The following TNR variants were observed in gnomAD, a reference collection of about 807,000 sequenced individuals.
TNR encodes tenascin-R.
TNR carries 45 observed loss-of-function variants against 150.4 expected under a neutral mutation model. The ratio of observed to expected loss-of-function variants is 0.30; its 90% confidence interval spans 0.24 to 0.38. TNR has a LOEUF of 0.38. Ranked by LOEUF, TNR falls within the 10% of genes least tolerant of loss-of-function variation. The probability of loss-of-function intolerance (pLI) is 1.00; values close to 1 mark genes in which losing one functional copy is unlikely to be tolerated. For missense variants in TNR, 1,544 were observed against 1,759.1 expected, an observed-to-expected ratio of 0.88 and a Z score of 2.19; for synonymous variants, 687 against 678.4, an observed-to-expected ratio of 1.01 and a Z score of -0.20.
intron 2 of TNR, among the ~76,000 whole-genome samples, chr1:175,430,844 T>G (rs551870485): frequency 6.6e-6 from 1 of 152,180 alleles, no homozygotes; most frequent in Non-Finnish European, 1.5e-5. Flanking sequence ...CATCATTACT[T>G]AAAGGAAAAT....
intron 2 of TNR, among the ~76,000 whole-genome samples, chr1:175,511,623 G>T (rs1164698931): frequency 6.6e-6 from 1 of 152,204 alleles, no homozygotes; most frequent in African/African-American, 2.4e-5. Context: ...GCAGTGAGAG[G>T]CAGGGGTCTG....
chr1:175,436,959 T>C lies in TNR; in HGVS notation c.-63-30182A>G, dbSNP rs578239220. ...AGACTTTAACACCCCATTGTCAACA[T>C]TAGACAGATCAACGAGAAAGTTAAC... On this transcript the variant is annotated intron_variant, in intron 2 of 22. Transcript: ENST00000367674. Among the ~76,000 whole-genome samples the C allele has an allele frequency of 3.3e-5, 5 of 152,248 alleles. No homozygotes were observed. The East Asian group carries it at 9.6e-4, about 29-fold the overall frequency.
chr1:175,651,002 T>C (rs924261721), intron 1 of TNR, among the ~76,000 whole-genome samples: 2 of 51,176 alleles, frequency 3.9e-5, no homozygotes, highest in Non-Finnish European at 3.4e-5. Context: ...TTACTACCCC[T>C]CCCCACCTCA....
At chr1:175,547,637 GAGAAAGAAAGAAAGGAAGAAGAA>G (rs1331922699) in intron 1 of TNR, among the ~76,000 whole-genome samples, 2 of 131,368 alleles carry the variant, frequency 1.5e-5, no homozygotes, top group Non-Finnish European at 3.2e-5. Context: ...AAGAAAGAAA[GAGAAAGAAAGAAAGGAAGAAGAA>G]AGAAAGAAAG....
intron 2 of TNR, among the ~76,000 whole-genome samples, chr1:175,447,939 G>A (rs985820423): frequency 6.6e-6 from 1 of 152,182 alleles, no homozygotes; most frequent in Non-Finnish European, 1.5e-5. Flanking sequence ...ACACTGCCTG[G>A]CATGTAGAAA....
chr1:175,378,874 T>G (rs1235953412), intron 9 of TNR, among the ~76,000 whole-genome samples: 2 of 152,090 alleles, frequency 1.3e-5, no homozygotes, highest in African/African-American at 4.8e-5. Context: ...TAATCAAAAA[T>G]GTACTTTGAA....
At chr1:175,710,212 T>A (rs1305840815) in intron 1 of TNR, among the ~76,000 whole-genome samples, 2 of 152,014 alleles carry the variant, frequency 1.3e-5, no homozygotes, top group Non-Finnish European at 2.9e-5. Context: ...CTGCCAGGCC[T>A]AGAGTGATGG....
At chr1:175,596,581 C>T (rs1267197477) in intron 1 of TNR, among the ~76,000 whole-genome samples, 1 of 152,190 alleles carries the variant, frequency 6.6e-6, no homozygotes, top group African/African-American at 2.4e-5. Context: ...CATAACAAAC[C>T]TCATTTTCCA....
intron 1 of TNR, among the ~76,000 whole-genome samples, chr1:175,582,953 TATG>T (rs1662416972): frequency 6.6e-6 from 1 of 151,998 alleles, no homozygotes; most frequent in Non-Finnish European, 1.5e-5. Flanking sequence ...CCTTCTACAA[TATG>T]ATGGCATGCA....
intron 2 of TNR, among the ~76,000 whole-genome samples, chr1:175,482,331 GC>G (rs1006541467): frequency 1.7e-4 from 26 of 152,174 alleles, no homozygotes; most frequent in Non-Finnish European, 3.1e-4. Flanking sequence ...CCCAGACTTT[GC>G]CTTTGTGGCC....
rs1422301187 is a variant in TNR, at chr1:175,320,572, T to G, written c.*2785A>C. 6.6e-6 allele frequency: 1 copy of G among 152,164 alleles called. No homozygotes were observed. Among genetic ancestry groups the G allele is most frequent in the Non-Finnish European group, 1.5e-5 (1 of 68,020 alleles). The allele number at this position is 152,164 out of a possible 1,614,324, so 9.4% of individuals were successfully genotyped here. On this transcript the variant is annotated 3_prime_UTR_variant, in exon 23 of 23. Transcript: ENST00000367674. ...TTTCACCTGAATTGACAACACATAA[T>G]CTTTTTCCATTTCAACTTCCTTGAT...
chr1:175,395,890 T>TA (rs940548081), intron 5 of TNR, among the ~76,000 whole-genome samples: 14 of 152,182 alleles, frequency 9.2e-5, no homozygotes, highest in South Asian at 2.1e-4. Flanking sequence ...CCTTTATGTA[T>TA]AAAAAAAACT....
At chr1:175,327,633 T>C (rs571813739) in intron 21 of TNR, among the ~76,000 whole-genome samples, 4 of 152,334 alleles carry the variant, frequency 2.6e-5, no homozygotes, top group African/African-American at 9.6e-5. Context: ...CTATTCCTCC[T>C]GAATTTACAT....
intron 18 of TNR, among the ~76,000 whole-genome samples, chr1:175,350,420 A>T (rs1011664510): frequency 1.3e-5 from 2 of 152,244 alleles, no homozygotes; most frequent in African/African-American, 4.8e-5. Context: ...TCATTTCACC[A>T]AGTCCTGGCT....
rs369257683 is a variant in TNR, at chr1:175,584,472, A to C, written c.-164-56103T>G. Among the ~76,000 whole-genome samples the C allele has an allele frequency of 1.0e-3, 158 of 152,344 alleles. 2 individuals carry two copies. The highest frequency in any genetic ancestry group is 3.2e-3 in the African/African-American group (131 of 41,570). ...CTTCTGGCTTGCAGAACCGTGAGAC[A>C]GTAAATTACTGTTGTTTTTAGCCAT... On this transcript the variant is annotated intron_variant, in intron 1 of 22. Transcript: ENST00000367674.
At chr1:175,392,664 C>T (rs1653233870) in intron 6 of TNR, among the ~76,000 whole-genome samples, 1 of 152,064 alleles carries the variant, frequency 6.6e-6, no homozygotes, top group Non-Finnish European at 1.5e-5. Flanking sequence ...GATTTATTTA[C>T]CTTGCTGTGA....
intron 2 of TNR, among the ~76,000 whole-genome samples, chr1:175,521,139 G>A (rs931405871): frequency 6.6e-6 from 1 of 152,140 alleles, no homozygotes; most frequent in South Asian, 2.1e-4. Flanking sequence ...AGATTCCACT[G>A]TGCCAATCAA....
chr1:175,617,526 C>T (rs1663821326), intron 1 of TNR, among the ~76,000 whole-genome samples: 1 of 152,156 alleles, frequency 6.6e-6, no homozygotes, highest in African/African-American at 2.4e-5. Flanking sequence ...ATTCTTGCAT[C>T]GGGATGGCCT....
intron 1 of TNR, among the ~76,000 whole-genome samples, chr1:175,710,585 C>T (rs1055854173): frequency 6.6e-6 from 1 of 152,086 alleles, no homozygotes; most frequent in Non-Finnish European, 1.5e-5. Flanking sequence ...GCCCTCCAGA[C>T]AGCCCTCTTA....
Sources: allele counts gnomAD v4.1 joint callset (sites outside exome capture counted in the v4.1 genomes callset), GRCh38; gene constraint gnomAD v4.1.1; transcripts MANE v1.5; gene names NCBI Gene and HGNC (gene_info 2026-07-23, HGNC 2026-07-21).